The following MYH15 variants were observed in gnomAD, a reference collection of about 807,000 sequenced individuals.
MYH15 encodes the protein myosin-15.
A neutral mutation model predicts 240.5 loss-of-function variants in MYH15; 227 were observed. That is an observed-to-expected ratio of 0.94 (90% CI 0.85 to 1.05). The LOEUF is 1.05. MYH15 is among the 50% of genes least tolerant of loss of function. The probability of loss-of-function intolerance (pLI) is 0.00; values close to 1 mark genes in which losing one functional copy is unlikely to be tolerated. For missense variants in MYH15, 2,217 were observed against 2,247.5 expected (o/e 0.99, Z 0.27); for synonymous variants, 785 against 796.7 (o/e 0.99, Z 0.25).
At position 108,444,849 on chromosome 3, in the gene MYH15, C is replaced by T. The variant is rs202175542; in HGVS notation, c.2446G>A (p.Val816Met). 15 of 1,613,992 alleles carry T rather than the reference C, an allele frequency of 9.3e-6. No homozygotes were observed. The highest frequency in any genetic ancestry group is 2.2e-5 in the South Asian group (2 of 91,066). Residue 816 changes from valine (V) to methionine (M), a missense_variant, in exon 22 of 41, where the codon GTG (valine) becomes ATG (methionine). Physicochemically the swap from Val to Met is conservative, Grantham distance 21. Transcript: ENST00000693548. ...IQWNIRAFMA[V>M]KNWPWMRLFF... ...AGCCTCATCCAGGGCCAGTTCTTCA[C>T]AGCCATGAAAGCTCTTATGTTCCAT...
intron 27 of MYH15, among the ~76,000 whole-genome samples, chr3:108,425,247 A>C (rs1399132428): frequency 2.0e-5 from 3 of 152,216 alleles, no homozygotes; most frequent in African/African-American, 7.2e-5. Flanking sequence ...AAGCAATGGG[A>C]TCTAAAACTG....
At chr3:108,500,516 C>A (rs939099256) in intron 3 of MYH15, among the ~76,000 whole-genome samples, 1 of 152,136 alleles carries the variant, frequency 6.6e-6, no homozygotes, top group Non-Finnish European at 1.5e-5. Context: ...AAGTCTGACA[C>A]ATGAAGCTTC....
chr3:108,548,648 G>A, the MYH15 span, among the ~76,000 whole-genome samples: 9 of 152,058 alleles, frequency 5.9e-5, no homozygotes, highest in African/African-American at 1.2e-4. Flanking sequence ...TGGCTGGTAC[G>A]ATGGTATATA....
intron 14 of MYH15, among the ~76,000 whole-genome samples, chr3:108,466,794 C>T (rs6792242): frequency 0.015 from 2,326 of 152,152 alleles, 55 homozygotes; most frequent in African/African-American, 0.049. Context: ...TTCAAGGTGT[C>T]CCCCCTGCAG....
At chr3:108,485,390 C>T (rs973673069) in intron 10 of MYH15, among the ~76,000 whole-genome samples, 161 bp from the exon 11 acceptor site, 3 of 152,188 alleles carry the variant, frequency 2.0e-5, no homozygotes, top group Non-Finnish European at 4.4e-5. Context: ...CTTGGTCACC[C>T]GCAGTCTGCT....
At chr3:108,531,926 A>G (rs2083713826), upstream of MYH15, among the ~76,000 whole-genome samples, 1 of 152,228 alleles carries the variant, frequency 6.6e-6, no homozygotes, top group African/African-American at 2.4e-5. Flanking sequence ...CAAGGGCACA[A>G]TATTACAGTA....
intron 13 of MYH15, 71 bp from the exon 14 acceptor site, chr3:108,470,283 T>A: frequency 8.7e-7 from 1 of 1,147,698 alleles, no homozygotes; most frequent in African/African-American, 1.6e-5. Flanking sequence ...GAATGTCCAG[T>A]AAAGAAAAAA....
chr3:108,416,791 G>T, intron 29 of MYH15, 21 bp downstream of exon 29: 1 of 1,552,382 alleles, frequency 6.4e-7, no homozygotes, highest in South Asian at 1.1e-5. Flanking sequence ...AGAAACTAGT[G>T]AGAAATAATA....
chr3:108,474,480 C>CT lies in MYH15; in HGVS notation c.1233+1916dup, dbSNP rs1021133217. 6.3e-3 allele frequency among the ~76,000 whole-genome samples: 925 copies of CT among 146,280 alleles called. 9 individuals are homozygous for CT. The highest frequency in any genetic ancestry group is 0.019 in the African/African-American group (753 of 39,380). On this transcript the variant is annotated intron_variant, in intron 12 of 40. Coordinates refer to ENST00000693548, the MANE Select transcript of MYH15 (RefSeq NM_014981.3). ...TTTTTTTTTTTATTTTTTATTTTTG[C>CT]TTTTTTTTGTTTTTATTATTATTTT...
Position 108,499,335 on chromosome 3 carries a change from C to T in MYH15, c.524+120G>A, listed in dbSNP as rs1251903347. 5.0e-6 allele frequency: 5 copies of T among 1,000,544 alleles called. No homozygotes were observed. The African/African-American group carries it at 6.5e-5, about 13-fold the overall frequency. 62.0% of individuals were successfully genotyped at this position (1,000,544 alleles called of 1,614,324 possible). A position where few individuals can be genotyped will look rare whatever the true frequency, so the allele number is the denominator to read the frequency against. On this transcript the variant is annotated intron_variant, in intron 5 of 40. Coordinates refer to ENST00000693548, the MANE Select transcript of MYH15 (RefSeq NM_014981.3). ...TCTTTTTCTTACCTCAAATGTATTG[C>T]ATCTAAAGGGCAATTAATTCAAAGA...
At chr3:108,476,222 G>C (rs1261750997) in intron 12 of MYH15, among the ~76,000 whole-genome samples, 175 bp downstream of exon 12, 2 of 152,086 alleles carry the variant, frequency 1.3e-5, no homozygotes, top group Non-Finnish European at 2.9e-5. Flanking sequence ...CATTTACTGT[G>C]GTGTGCATCA....
chr3:108,492,201 TACACACAC>T (rs10662107), intron 9 of MYH15, among the ~76,000 whole-genome samples: 4 of 147,924 alleles, frequency 2.7e-5, no homozygotes, highest in Admixed American at 6.8e-5. Flanking sequence ...AATGCTTTTA[TACACACAC>T]ACACACACAC....
At chr3:108,518,353 C>G (rs1165567445) in intron 1 of MYH15, among the ~76,000 whole-genome samples, 1 of 152,140 alleles carries the variant, frequency 6.6e-6, no homozygotes, top group Non-Finnish European at 1.5e-5. Context: ...AAATATCACT[C>G]AAAACCATCT....
intron 15 of MYH15, among the ~76,000 whole-genome samples, chr3:108,463,502 A>C (rs2083088886): frequency 6.6e-6 from 1 of 151,546 alleles, no homozygotes; most frequent in Non-Finnish European, 1.5e-5. Context: ...ATTTTTATTT[A>C]TTTTGTGTAT....
At chr3:108,549,118 C>T in the MYH15 span, among the ~76,000 whole-genome samples, 2 of 151,816 alleles carry the variant, frequency 1.3e-5, no homozygotes, top group Admixed American at 6.6e-5. Context: ...TAAGAGGATG[C>T]GAGTAATCCT....
the MYH15 span, among the ~76,000 whole-genome samples, chr3:108,545,061 T>C: frequency 6.6e-6 from 1 of 152,152 alleles, no homozygotes; most frequent in African/African-American, 2.4e-5. Context: ...ATGAATTTTG[T>C]AGGTACAGTC....
At chr3:108,418,514 C>G (rs2082653379) in intron 28 of MYH15, among the ~76,000 whole-genome samples, 1 of 152,132 alleles carries the variant, frequency 6.6e-6, no homozygotes, top group Non-Finnish European at 1.5e-5. Flanking sequence ...ATTTAAGTTG[C>G]AAATAGTATC....
intron 38 of MYH15, among the ~76,000 whole-genome samples, chr3:108,387,760 C>T (rs756800559): frequency 6.6e-6 from 1 of 152,180 alleles, no homozygotes; most frequent in Non-Finnish European, 1.5e-5. Context: ...TTCTCAGTGG[C>T]TTTGATATAC....
intron 28 of MYH15, among the ~76,000 whole-genome samples, chr3:108,420,744 A>AT (rs754017119): frequency 2.6e-5 from 4 of 152,188 alleles, no homozygotes; most frequent in Non-Finnish European, 4.4e-5. Context: ...ATTTTAAAAA[A>AT]TTTAAATATT....
Sources: gnomAD v4.1 joint callset for allele counts (sites outside exome capture counted in the v4.1 genomes callset) on GRCh38, gnomAD v4.1.1 for gene constraint, MANE v1.5 for transcripts, NCBI Gene and HGNC (gene_info 2026-07-23, HGNC 2026-07-21) for gene names.